Variants in PARD3B observed in about 807,000 individuals in gnomAD.
PARD3B encodes the protein partitioning defective 3 homolog B.
PARD3B carries 103 observed loss-of-function variants against 130.2 expected under a neutral mutation model. The observed-to-expected ratio is 0.79, with a 90% CI of 0.67 to 0.93. The LOEUF (loss-of-function observed/expected upper bound fraction) is 0.93, where lower values mean the gene tolerates loss of function less well. PARD3B is among the 40% of genes least tolerant of loss of function. PARD3B has a pLI of 0.00. For missense variants in PARD3B, 1,609 were observed against 1,499.2 expected (o/e 1.07, Z -1.21); for synonymous variants, 583 against 553.2 (o/e 1.05, Z -0.76).
chr2:204,646,170 C>T (rs1173386373), intron 1 of PARD3B, among the ~76,000 whole-genome samples: 2 of 152,026 alleles, frequency 1.3e-5, no homozygotes, highest in African/African-American at 2.4e-5. Context: ...AAATACATAC[C>T]TCTGCACTTG....
At chr2:204,854,032 A>AT (rs1159402176) in intron 2 of PARD3B, among the ~76,000 whole-genome samples, 3 of 152,142 alleles carry the variant, frequency 2.0e-5, no homozygotes, top group Non-Finnish European at 4.4e-5. Context: ...GGAGTAGGGC[A>AT]TTTTTGGTAG....
chr2:205,565,834 G>A lies in PARD3B; in HGVS notation c.3260+12431G>A, dbSNP rs143477360. On this transcript the variant is annotated intron_variant, in intron 22 of 22. Transcript: ENST00000406610. Reference sequence around the variant, plus strand: ...CCCATAGACACAGTTTCTGTCCTGTGAAGTTTATACTCTAGTGGAGAAGAT... The same window carrying A: ...CCCATAGACACAGTTTCTGTCCTGTAAAGTTTATACTCTAGTGGAGAAGAT... 8.8e-3 allele frequency among the ~76,000 whole-genome samples: 1,310 copies of A among 148,820 alleles called. 9 individuals carry two copies. The highest frequency in any genetic ancestry group is 0.013 in the Non-Finnish European group (881 of 67,678).
chr2:205,551,208 A>G (rs1281770126), intron 21 of PARD3B, among the ~76,000 whole-genome samples: 1 of 151,814 alleles, frequency 6.6e-6, no homozygotes, highest in Non-Finnish European at 1.5e-5. Context: ...TGATTTTCCA[A>G]CAATCACAAT....
chr2:204,690,975 A>G (rs2037326314), intron 2 of PARD3B, among the ~76,000 whole-genome samples: 1 of 152,106 alleles, frequency 6.6e-6, no homozygotes, highest in Non-Finnish European at 1.5e-5. Flanking sequence ...TGATCTTTAA[A>G]TATCTAATTA....
rs909466942 is a variant in PARD3B at position 205,146,382 on chromosome 2, G to C, written c.1435-12340G>C. Among the ~76,000 whole-genome samples the C allele has an allele frequency of 2.6e-5, 4 of 152,130 alleles. No homozygotes were observed. The highest frequency in any genetic ancestry group is 5.9e-5 in the Non-Finnish European group (4 of 68,016). On this transcript the variant is annotated intron_variant, in intron 10 of 22. Coordinates refer to ENST00000406610, the MANE Select transcript of PARD3B (RefSeq NM_001302769.2). This position sits in a 1 kb window ranked among gnomAD's most constrained non-coding sequence, Gnocchi z 4.3. ...TTGTTACATCAGGCTGGGTGCGGTG[G>C]CTCACCCCTGTAATCCCAGCATTTT... is the stretch of plus-strand genomic sequence containing the variant.
At chr2:204,712,497 C>CCT (rs1202635630) in intron 2 of PARD3B, among the ~76,000 whole-genome samples, 1 of 151,392 alleles carries the variant, frequency 6.6e-6, no homozygotes, top group Admixed American at 6.6e-5. Flanking sequence ...GCCTATAATC[C>CCT]CAGCTACTCG....
chr2:205,459,981 G>A (rs2048396244), intron 20 of PARD3B, among the ~76,000 whole-genome samples: 1 of 152,208 alleles, frequency 6.6e-6, no homozygotes, highest in South Asian at 2.1e-4. Flanking sequence ...TTACAAATTT[G>A]TACTTATGTG....
At chr2:205,438,503 T>G (rs768028129) in intron 19 of PARD3B, among the ~76,000 whole-genome samples, 1 of 152,222 alleles carries the variant, frequency 6.6e-6, no homozygotes, top group African/African-American at 2.4e-5. Context: ...CCTAACTTTA[T>G]TGATGTCCTT....
rs56693580 is a variant in PARD3B at position 204,897,385 on chromosome 2, G to GTTTTTTTTTTTTTT, written c.223-67763_223-67750dup. 1.6e-5 allele frequency among the ~76,000 whole-genome samples: 2 copies of GTTTTTTTTTTTTTT among 127,676 alleles called. 1 individual carries two copies. Among genetic ancestry groups the GTTTTTTTTTTTTTT allele is most frequent in the African/African-American group, 5.9e-5 (2 of 33,770 alleles). The allele number at this position is 127,676 out of a possible 152,430, so 83.8% of individuals were successfully genotyped here. A position where few individuals can be genotyped will look rare whatever the true frequency, so the allele number is the denominator to read the frequency against. On this transcript the variant is annotated intron_variant, in intron 2 of 22. Transcript: ENST00000406610. ...TAGAACTATTAAACCTGTAGGTACT[G>GTTTTTTTTTTTTTT]TTTTTTTTTTTTTTTTTGAGAATTT...
At chr2:205,360,973 C>T (rs146061629) in intron 18 of PARD3B, among the ~76,000 whole-genome samples, 3 of 151,966 alleles carry the variant, frequency 2.0e-5, no homozygotes, top group African/African-American at 7.3e-5. Flanking sequence ...GTCTAATATG[C>T]CTTCCTCATT....
Position 204,841,717 on chromosome 2 carries a change from C to T in PARD3B, c.223-123435C>T, listed in dbSNP as rs889493444. ...CTGGTGAAAATAATATTCTCTTTTC[C>T]TCTTCTACAGGGAAGATGGCAGTTT... On this transcript the variant is annotated intron_variant, in intron 2 of 22. Transcript: ENST00000406610. Among the ~76,000 whole-genome samples the T allele has an allele frequency of 7.2e-5, 11 of 151,968 alleles. 1 individual carries two copies. The highest frequency in any genetic ancestry group is 2.7e-4 in the African/African-American group (11 of 41,340).
intron 7 of PARD3B, among the ~76,000 whole-genome samples, chr2:205,120,050 C>T (rs549404462): frequency 2.0e-5 from 3 of 151,896 alleles, no homozygotes; most frequent in Non-Finnish European, 4.4e-5. Context: ...ATATTGTATG[C>T]GTGTTTGTGG....
At chr2:205,221,758 G>A (rs974054918) in intron 15 of PARD3B, among the ~76,000 whole-genome samples, 1 of 152,008 alleles carries the variant, frequency 6.6e-6, no homozygotes, top group African/African-American at 2.4e-5. Flanking sequence ...CTCCGTCTCT[G>A]TCTTATTTTT....
chr2:204,581,353 T>C (rs1224648656), intron 1 of PARD3B, among the ~76,000 whole-genome samples: 1 of 152,240 alleles, frequency 6.6e-6, no homozygotes. Flanking sequence ...CTTTCTTTTT[T>C]ATTCCATAGT....
intron 3 of PARD3B, among the ~76,000 whole-genome samples, chr2:205,018,752 C>G (rs1487137209): frequency 3.7e-5 from 2 of 54,440 alleles, no homozygotes; most frequent in East Asian, 3.3e-4. Context: ...AAAAAAAAAG[C>G]ACGCTGATTA....
At chr2:204,564,655 G>A (rs2031559813) in intron 1 of PARD3B, among the ~76,000 whole-genome samples, 2 of 152,084 alleles carry the variant, frequency 1.3e-5, no homozygotes, top group South Asian at 2.1e-4. Flanking sequence ...GAGAACCATA[G>A]CACTATATAC....
At chr2:205,358,709 A>T (rs1411190183) in intron 18 of PARD3B, among the ~76,000 whole-genome samples, 1 of 152,094 alleles carries the variant, frequency 6.6e-6, no homozygotes, top group Non-Finnish European at 1.5e-5. Flanking sequence ...TTCGTTTTAG[A>T]CGGTGTGCTT....
intron 2 of PARD3B, among the ~76,000 whole-genome samples, chr2:204,696,717 C>T (rs771948256): frequency 3.3e-5 from 5 of 152,040 alleles, no homozygotes; most frequent in Non-Finnish European, 5.9e-5. Flanking sequence ...TGTGTTTTCC[C>T]TGTCATGTGA....
At position 205,434,730 on chromosome 2, in the gene PARD3B, A is replaced by G. The variant is rs144839969; in HGVS notation, c.2742-5640A>G. ...AGACCAAATAAAAGTTCAGTGAACA[A>G]TAATTTGAAGAAAATTGTCATAACT... On this transcript the variant is annotated intron_variant, in intron 19 of 22. Coordinates refer to ENST00000406610, the MANE Select transcript of PARD3B (RefSeq NM_001302769.2). Among the ~76,000 whole-genome samples the G allele has an allele frequency of 6.7e-3, 1,028 of 152,318 alleles. 6 individuals are homozygous for G. Among genetic ancestry groups the G allele is most frequent in the Non-Finnish European group, 7.8e-3 (531 of 68,018 alleles).
Sources: allele counts gnomAD v4.1 joint callset (sites outside exome capture counted in the v4.1 genomes callset), GRCh38; gene constraint gnomAD v4.1.1; non-coding constraint Gnocchi (gnomAD v3.1); transcripts MANE v1.5; gene names NCBI Gene and HGNC (gene_info 2026-07-23, HGNC 2026-07-21).